Variants in AOPEP observed in about 807,000 individuals in gnomAD.
AOPEP encodes aminopeptidase O.
Under a neutral mutation model 98.1 loss-of-function variants are expected in AOPEP, and 77 were observed. The ratio of observed to expected loss-of-function variants is 0.78; its 90% confidence interval spans 0.65 to 0.95. AOPEP has a LOEUF of 0.95. AOPEP is among the 40% of genes least tolerant of loss of function. The pLI is 0.00. For missense variants in AOPEP, 1,024 were observed against 1,024.7 expected, an observed-to-expected ratio of 1.00 and a Z score of 0.01; for synonymous variants, 346 against 365.3, an observed-to-expected ratio of 0.95 and a Z score of 0.60.
At chr9:94,813,355 G>A (rs1357107514) in intron 5 of AOPEP, among the ~76,000 whole-genome samples, 2 of 152,110 alleles carry the variant, frequency 1.3e-5, no homozygotes, top group African/African-American at 4.8e-5. Flanking sequence ...TTTGATGAAG[G>A]TCCACCTCTG....
chr9:94,814,833 A>G (rs1851364227), intron 5 of AOPEP, among the ~76,000 whole-genome samples: 1 of 152,252 alleles, frequency 6.6e-6, no homozygotes, highest in South Asian at 2.1e-4. Context: ...AGCCTCATTA[A>G]TGGCTCTCAA....
At chr9:95,103,428 A>G in the AOPEP span, among the ~76,000 whole-genome samples, 1 of 152,180 alleles carries the variant, frequency 6.6e-6, no homozygotes, top group Non-Finnish European at 1.5e-5. Context: ...AATCTAGCTA[A>G]CTTTTGCTGT....
At chr9:95,090,553 G>C (rs1029982387), downstream of AOPEP, among the ~76,000 whole-genome samples, 1 of 152,034 alleles carries the variant, frequency 6.6e-6, no homozygotes, top group Non-Finnish European at 1.5e-5. Flanking sequence ...CCCCCCCTTC[G>C]AAGGGAGGAA....
chr9:94,847,075 G>A (rs1256782903), intron 5 of AOPEP, among the ~76,000 whole-genome samples: 1 of 151,714 alleles, frequency 6.6e-6, no homozygotes, highest in Non-Finnish European at 1.5e-5. Context: ...AGATGGGGAG[G>A]CACATGTGGA....
At chr9:95,071,193 A>G (rs1255988761) in intron 14 of AOPEP, among the ~76,000 whole-genome samples, 1 of 152,086 alleles carries the variant, frequency 6.6e-6, no homozygotes, top group Non-Finnish European at 1.5e-5. Context: ...GGATATTTGT[A>G]TTATACTTAA....
At chr9:94,903,892 T>A (rs377683459) in intron 5 of AOPEP, among the ~76,000 whole-genome samples, 58 of 96,584 alleles carry the variant, frequency 6.0e-4, no homozygotes, top group East Asian at 1.2e-3. Context: ...AGACTCTGTC[T>A]AAAAAAAAAA....
intron 2 of AOPEP, among the ~76,000 whole-genome samples, chr9:94,764,409 G>T (rs1839094107): frequency 6.6e-6 from 1 of 152,212 alleles, no homozygotes; most frequent in Admixed American, 6.5e-5. Flanking sequence ...CACTTTGGGA[G>T]GCCGAGGTGG....
rs2057259252 is a variant in AOPEP at position 94,943,584 on chromosome 9, A to G, written c.1662-11593A>G. Among the ~76,000 whole-genome samples, 2 of 147,860 alleles carry G rather than the reference A, an allele frequency of 1.4e-5. 1 individual carries two copies. The highest frequency in any genetic ancestry group is 5.0e-5 in the African/African-American group (2 of 39,864). On this transcript the variant is annotated intron_variant, in intron 7 of 16. Coordinates refer to ENST00000375315, the MANE Select transcript of AOPEP (RefSeq NM_001193329.3). ...ACTCCAGCCTAGGCGACAGAGTGGG[A>G]CTCCATCTCAAATAAAAAAAAAAAA...
chr9:95,090,976 A>G (rs1363881448), downstream of AOPEP, among the ~76,000 whole-genome samples: 1 of 152,142 alleles, frequency 6.6e-6, no homozygotes, highest in Non-Finnish European at 1.5e-5. Context: ...CTCAATGACA[A>G]AGGGGTCCAG....
chr9:95,056,893 G>A (rs1351082168), intron 13 of AOPEP, among the ~76,000 whole-genome samples: 1 of 152,128 alleles, frequency 6.6e-6, no homozygotes, highest in Non-Finnish European at 1.5e-5. Flanking sequence ...TCATAGTTCT[G>A]TGAAGTTCTC....
chr9:94,892,262 C>G (rs1343253127), intron 5 of AOPEP, among the ~76,000 whole-genome samples: 2 of 152,184 alleles, frequency 1.3e-5, no homozygotes, highest in Non-Finnish European at 2.9e-5. Flanking sequence ...TACTCCCTTC[C>G]TCCTCTCTTT....
intron 5 of AOPEP, among the ~76,000 whole-genome samples, chr9:94,832,234 CAT>C (rs1295216939): frequency 1.9e-4 from 29 of 152,068 alleles, no homozygotes; most frequent in African/African-American, 7.0e-4. Context: ...AAACAACAGT[CAT>C]ATAGAAAAAT....
intron 13 of AOPEP, among the ~76,000 whole-genome samples, chr9:95,032,372 G>A (rs1406632088): frequency 6.6e-6 from 1 of 152,218 alleles, no homozygotes; most frequent in Non-Finnish European, 1.5e-5. Flanking sequence ...CACCTCCCAG[G>A]GAAATGAAGC....
At chr9:94,886,442 C>T (rs1165147616) in intron 5 of AOPEP, among the ~76,000 whole-genome samples, 1 of 152,068 alleles carries the variant, frequency 6.6e-6, no homozygotes, top group Non-Finnish European at 1.5e-5. Flanking sequence ...TACCAATGTT[C>T]TTGAAGAAGA....
At chr9:94,975,581 A>C (rs1009530453) in intron 10 of AOPEP, among the ~76,000 whole-genome samples, 1 of 152,182 alleles carries the variant, frequency 6.6e-6, no homozygotes, top group South Asian at 2.1e-4. Flanking sequence ...CCTGGGGCCC[A>C]CTATCTGCAC....
intron 5 of AOPEP, among the ~76,000 whole-genome samples, chr9:94,855,108 C>T (rs986079659): frequency 2.8e-4 from 43 of 152,184 alleles, no homozygotes; most frequent in African/African-American, 9.9e-4. Context: ...GACAGAATCT[C>T]ATTCTGTCAC....
Position 94,777,530 on chromosome 9 carries a change from G to A in AOPEP, c.964+4362G>A, listed in dbSNP as rs139402053. ...TGTCACTATGGAAAATCAGTAGGAC[G>A]AAGTGTAAATAAAAATGAAAAGGCA... On this transcript the variant is annotated intron_variant, in intron 3 of 16. Transcript: ENST00000375315. 6.1e-4 allele frequency among the ~76,000 whole-genome samples: 92 copies of A among 150,834 alleles called. 2 individuals carry two copies. The East Asian group carries it at 0.017, about 27-fold the overall frequency.
At chr9:95,074,783 C>T (rs571461719) in intron 14 of AOPEP, among the ~76,000 whole-genome samples, 16 of 152,332 alleles carry the variant, frequency 1.1e-4, no homozygotes, top group Admixed American at 7.2e-4. Flanking sequence ...CGCCCACTTC[C>T]GGCAGGTCAG....
At chr9:94,906,458 T>TAATAATA (rs908686456) in intron 5 of AOPEP, among the ~76,000 whole-genome samples, 1 of 119,416 alleles carries the variant, frequency 8.4e-6, no homozygotes, top group African/African-American at 2.7e-5. Flanking sequence ...CTGTCTGAAA[T>TAATAATA]AATAATAATA....
Sources: gnomAD v4.1 joint callset for allele counts (sites outside exome capture counted in the v4.1 genomes callset) on GRCh38, gnomAD v4.1.1 for gene constraint, MANE v1.5 for transcripts, NCBI Gene and HGNC (gene_info 2026-07-23, HGNC 2026-07-21) for gene names.